Variants in TDRD3 observed in about 807,000 individuals in gnomAD.
TDRD3 encodes the protein tudor domain-containing protein 3.
TDRD3 carries 45 observed loss-of-function variants against 86.7 expected under a neutral mutation model. The observed-to-expected ratio is 0.52, with a 90% CI of 0.41 to 0.67. The LOEUF is 0.67. Among genes scored for constraint, TDRD3 ranks in the 30% least tolerant of loss-of-function variants. TDRD3 has a pLI of 0.00. For missense variants in TDRD3, 814 were observed against 889.0 expected, an observed-to-expected ratio of 0.92 and a Z score of 1.07; for synonymous variants, 298 against 301.7, an observed-to-expected ratio of 0.99 and a Z score of 0.13.
chr13:60,572,088 A>G (rs978728597), intron 13 of TDRD3, among the ~76,000 whole-genome samples: 1 of 152,162 alleles, frequency 6.6e-6, no homozygotes, highest in African/African-American at 2.4e-5. Context: ...TTCTGACATG[A>G]GTGGAGTCCT....
At chr13:60,507,674 G>T (rs1956968474) in intron 8 of TDRD3, among the ~76,000 whole-genome samples, 1 of 152,130 alleles carries the variant, frequency 6.6e-6, no homozygotes. Context: ...GAATCTCTGG[G>T]ACACATTTAA....
In TDRD3 at chr13:60,528,811, A is replaced by G; in HGVS notation, c.1586A>G (p.Asn529Ser). ...NPLPQGSVDY[N>S]NQKRGKRESQ... ...CTTCCTCAAGGATCTGTAGATTATA[A>G]TAATCAAAAACGTGGAAAAAGAGAA... is the stretch of plus-strand genomic sequence containing the variant. The change falls in exon 11 of 14, where the codon AAT becomes AGT. Residue 529 changes from asparagine to serine, a missense_variant. By Grantham distance (46) the Asn-to-Ser change is conservative. Coordinates refer to ENST00000377881, the MANE Select transcript of TDRD3 (RefSeq NM_001146070.2). 6.2e-7 allele frequency: 1 copy of G among 1,613,880 alleles called. No individual in the cohort carries two copies. The highest frequency in any genetic ancestry group is 1.1e-5 in the South Asian group (1 of 90,994).
chr13:60,410,925 A>C (rs1353991065), intron 1 of TDRD3, among the ~76,000 whole-genome samples: 1 of 152,166 alleles, frequency 6.6e-6, no homozygotes, highest in Admixed American at 6.5e-5. Context: ...CATATTAATT[A>C]GATGTTTCCC....
intron 3 of TDRD3, among the ~76,000 whole-genome samples, chr13:60,447,627 T>C (rs1405710419): frequency 6.6e-6 from 1 of 152,116 alleles, no homozygotes; most frequent in Non-Finnish European, 1.5e-5. Context: ...TGGTAAATCA[T>C]TATTGTCTGG....
intron 12 of TDRD3, among the ~76,000 whole-genome samples, chr13:60,557,697 T>A (rs1566303332): frequency 6.6e-6 from 1 of 151,932 alleles, no homozygotes; most frequent in Non-Finnish European, 1.5e-5. Context: ...ATATAAAAAT[T>A]TTTTCTTATA....
intron 12 of TDRD3, among the ~76,000 whole-genome samples, chr13:60,557,194 G>A (rs1223871473): frequency 9.4e-6 from 1 of 106,420 alleles, no homozygotes; most frequent in Non-Finnish European, 1.7e-5. Flanking sequence ...CAACAAGAGC[G>A]AAACTCTGTC....
intron 3 of TDRD3, among the ~76,000 whole-genome samples, chr13:60,457,605 G>A (rs1051611172): frequency 6.6e-6 from 1 of 152,212 alleles, no homozygotes; most frequent in African/African-American, 2.4e-5. Flanking sequence ...AGTGGGTATA[G>A]TAGTTATCTG....
chr13:60,428,968 G>T (rs1306849648), intron 1 of TDRD3, among the ~76,000 whole-genome samples: 1 of 151,964 alleles, frequency 6.6e-6, no homozygotes, highest in Non-Finnish European at 1.5e-5. Context: ...AAATTTCCTG[G>T]TCTCCTTCAA....
chr13:60,524,677 T>G (rs1957371025), intron 10 of TDRD3, among the ~76,000 whole-genome samples: 1 of 152,148 alleles, frequency 6.6e-6, no homozygotes, highest in African/African-American at 2.4e-5. Flanking sequence ...TAAAAGGTAT[T>G]GGGCTTAAGG....
intron 11 of TDRD3, among the ~76,000 whole-genome samples, chr13:60,534,389 T>C (rs1266822179): frequency 1.3e-5 from 2 of 152,130 alleles, no homozygotes; most frequent in Non-Finnish European, 2.9e-5. Flanking sequence ...TTTGTTAATA[T>C]GCATCAGTTC....
At chr13:60,539,835 CA>C (rs1957772486) in intron 12 of TDRD3, among the ~76,000 whole-genome samples, 3 of 151,964 alleles carry the variant, frequency 2.0e-5, no homozygotes, top group Admixed American at 2.0e-4. Flanking sequence ...TACATATAAT[CA>C]TGAGTTTAAA....
intron 13 of TDRD3, among the ~76,000 whole-genome samples, chr13:60,567,890 ATT>A (rs58242240): frequency 0.4 from 52,529 of 132,656 alleles, 9,481 homozygotes; most frequent in South Asian, 0.5. Flanking sequence ...TGCCCAGCTG[ATT>A]TTTTTTTTTT....
chr13:60,492,679 A>AT lies in TDRD3; in HGVS notation c.718-1745dup, dbSNP rs923131189. Among the ~76,000 whole-genome samples, 677 of 147,724 alleles carry AT rather than the reference A, an allele frequency of 4.6e-3. 5 individuals carry two copies. The highest frequency in any genetic ancestry group is 0.016 in the Admixed American group (235 of 14,758). Reference sequence around the variant, plus strand: ...TAATGACTATGAAGGCATTTCAAATATTTTTTTTTTTGCTGGGATTCCATA... The same window carrying AT: ...TAATGACTATGAAGGCATTTCAAATATTTTTTTTTTTTGCTGGGATTCCATA... On this transcript the variant is annotated intron_variant, in intron 7 of 13. Coordinates refer to ENST00000377881, the MANE Select transcript of TDRD3 (RefSeq NM_001146070.2).
chr13:60,494,975 G>A (rs1466772560), intron 8 of TDRD3, among the ~76,000 whole-genome samples: 1 of 152,178 alleles, frequency 6.6e-6, no homozygotes, highest in Admixed American at 6.5e-5. Context: ...TATGTATTAT[G>A]TGGACCCAAT....
chr13:60,417,017 CTCTT>C (rs1363208845), intron 1 of TDRD3, among the ~76,000 whole-genome samples: 42 of 150,166 alleles, frequency 2.8e-4, no homozygotes, highest in African/African-American at 1.0e-3. Context: ...GTCTCTCTCT[CTCTT>C]TTTTTTTTTT....
At chr13:60,446,241 G>A (rs1039587295) in intron 3 of TDRD3, among the ~76,000 whole-genome samples, 1 of 151,682 alleles carries the variant, frequency 6.6e-6, no homozygotes, top group African/African-American at 2.4e-5. Context: ...TATTTTTTCT[G>A]AGATGGAGTC....
chr13:60,481,351 T>G (rs1390155), intron 5 of TDRD3, among the ~76,000 whole-genome samples: 30,626 of 120,898 alleles, frequency 0.25, 4,829 homozygotes, highest in East Asian at 0.74. Flanking sequence ...CTCTTTGTGT[T>G]TTTTTTTTTT....
At chr13:60,456,505 T>G (rs1289284019) in intron 3 of TDRD3, among the ~76,000 whole-genome samples, 1 of 152,218 alleles carries the variant, frequency 6.6e-6, no homozygotes, top group Non-Finnish European at 1.5e-5. Flanking sequence ...TAGAGTAATT[T>G]CTTTTGATTT....
At chr13:60,538,798 G>C (rs1957750903) in intron 12 of TDRD3, among the ~76,000 whole-genome samples, 1 of 152,116 alleles carries the variant, frequency 6.6e-6, no homozygotes, top group South Asian at 2.1e-4. Context: ...CTCTGGTGCT[G>C]CTGGTCAGGC....
Sources: gnomAD v4.1 joint callset for allele counts (sites outside exome capture counted in the v4.1 genomes callset) on GRCh38, gnomAD v4.1.1 for gene constraint, MANE v1.5 for transcripts, NCBI Gene and HGNC (gene_info 2026-07-23, HGNC 2026-07-21) for gene names.